Variants in CA10 observed in about 807,000 individuals in gnomAD.
The protein encoded by CA10 is carbonic anhydrase 10 (inactive).
In CA10, 14 loss-of-function variants were observed where a neutral mutation model predicts 44.2. The observed-to-expected ratio is 0.32, with a 90% CI of 0.21 to 0.50. The LOEUF (loss-of-function observed/expected upper bound fraction) is 0.50, where lower values mean the gene tolerates loss of function less well. CA10 is among the 20% of genes least tolerant of loss of function. CA10 has a pLI of 0.99. For synonymous variants in CA10, 159 were observed against 141.6 expected, an observed-to-expected ratio of 1.12 and a Z score of -0.87; for missense variants, 350 against 409.7, an observed-to-expected ratio of 0.85 and a Z score of 1.26.
At chr17:51,940,574 G>T (rs927555025) in intron 2 of CA10, among the ~76,000 whole-genome samples, 1 of 151,652 alleles carries the variant, frequency 6.6e-6, no homozygotes, top group Non-Finnish European at 1.5e-5. Flanking sequence ...GGGGAAATTT[G>T]CTCTTTTAAT....
At chr17:51,797,985 T>C (rs1906781769) in intron 3 of CA10, among the ~76,000 whole-genome samples, 1 of 152,134 alleles carries the variant, frequency 6.6e-6, no homozygotes, top group Non-Finnish European at 1.5e-5. Context: ...TAGTTTTTAT[T>C]GAAGAGGACA....
At chr17:51,882,346 T>C (rs1980413907) in intron 3 of CA10, among the ~76,000 whole-genome samples, 1 of 152,198 alleles carries the variant, frequency 6.6e-6, no homozygotes, top group South Asian at 2.1e-4. Flanking sequence ...TGAATTCCCA[T>C]AAGCCTTAGT....
chr17:52,004,408 G>A (rs2144124512), intron 2 of CA10, among the ~76,000 whole-genome samples: 1 of 151,980 alleles, frequency 6.6e-6, no homozygotes, highest in Non-Finnish European at 1.5e-5. Flanking sequence ...AAATTACCCA[G>A]TTAATAAGAA....
intron 3 of CA10, among the ~76,000 whole-genome samples, chr17:51,798,347 G>A (rs1306685274): frequency 6.6e-6 from 1 of 152,180 alleles, no homozygotes; most frequent in Non-Finnish European, 1.5e-5. Flanking sequence ...TTGTGCATGT[G>A]CATCTGTGTC....
chr17:51,761,364 G>GA (rs1905212476), intron 3 of CA10: 1 of 152,192 alleles, frequency 6.6e-6, no homozygotes, highest in Non-Finnish European at 1.5e-5. Flanking sequence ...TTGAAACTCA[G>GA]TAGTGCATAG....
chr17:51,912,500 A>G (rs1051701434), intron 3 of CA10, among the ~76,000 whole-genome samples: 7 of 152,212 alleles, frequency 4.6e-5, no homozygotes, highest in African/African-American at 1.7e-4. Context: ...AAAGAAAAAA[A>G]GAAAAAAACT....
chr17:51,858,620 C>T (rs117635077), intron 3 of CA10, among the ~76,000 whole-genome samples: 1,714 of 152,292 alleles, frequency 0.011, 23 homozygotes, highest in Non-Finnish European at 0.014. Context: ...ATTCTTTGAA[C>T]GTGCACCAAC....
intron 1 of CA10, among the ~76,000 whole-genome samples, chr17:52,109,813 G>A (rs1272295746): frequency 6.6e-6 from 1 of 152,180 alleles, no homozygotes. Flanking sequence ...TGTGTTTCAT[G>A]ACTTTCAGGC....
At chr17:51,706,903 C>T (rs960387485) in intron 4 of CA10, among the ~76,000 whole-genome samples, 15 of 152,132 alleles carry the variant, frequency 9.9e-5, no homozygotes, top group African/African-American at 3.6e-4. Context: ...CTAGCTGAGG[C>T]CTTCCCTGAC....
At chr17:52,147,749 G>A (rs949015695) in intron 1 of CA10, among the ~76,000 whole-genome samples, 5 of 152,136 alleles carry the variant, frequency 3.3e-5, no homozygotes, top group African/African-American at 1.2e-4. Flanking sequence ...GACATCAAGT[G>A]ACATATTTCT....
Position 51,631,287 on chromosome 17 carries a change from G to T in CA10, c.*297C>A. On this transcript the variant is annotated 3_prime_UTR_variant, in exon 9 of 9. Coordinates refer to ENST00000451037, the MANE Select transcript of CA10 (RefSeq NM_020178.5). ...AAGACCTCTTATGAATGAGACTTTTGTTTCTGAAACTTGACTTCCCATGAT... is the reference window on the plus strand; with the variant it reads ...AAGACCTCTTATGAATGAGACTTTTTTTTCTGAAACTTGACTTCCCATGAT... 1 of 361,442 alleles carries T rather than the reference G, an allele frequency of 2.8e-6. No individual in the cohort carries two copies. Among genetic ancestry groups the T allele is most frequent in the Non-Finnish European group, 5.0e-6 (1 of 198,888 alleles). 22.4% of individuals were successfully genotyped at this position (361,442 alleles called of 1,614,324 possible).
intron 3 of CA10, among the ~76,000 whole-genome samples, chr17:51,804,901 T>C (rs554004787): frequency 1.3e-5 from 2 of 152,326 alleles, no homozygotes; most frequent in Admixed American, 1.3e-4. Flanking sequence ...AGGTCTTAAG[T>C]TCCTTAATTG....
intron 2 of CA10, among the ~76,000 whole-genome samples, chr17:52,068,315 G>T (rs2143121519): frequency 6.6e-6 from 1 of 152,298 alleles, no homozygotes; most frequent in South Asian, 2.1e-4. Flanking sequence ...AAGGTATCTT[G>T]CTTTCCCTTT....
intron 2 of CA10, among the ~76,000 whole-genome samples, chr17:52,029,815 A>C (rs907353709): frequency 6.6e-6 from 1 of 151,976 alleles, no homozygotes; most frequent in African/African-American, 2.4e-5. Flanking sequence ...CTCCTTAGCC[A>C]TATGTTTCAT....
chr17:52,077,805 A>C (rs1987856272), intron 1 of CA10, among the ~76,000 whole-genome samples: 1 of 152,040 alleles, frequency 6.6e-6, no homozygotes, highest in African/African-American at 2.4e-5. Context: ...CCCTCTCTCC[A>C]CCCGATTTCC....
intron 4 of CA10, among the ~76,000 whole-genome samples, chr17:51,669,253 A>G (rs1324347567): frequency 2.6e-5 from 4 of 152,200 alleles, no homozygotes; most frequent in Non-Finnish European, 1.5e-5. Flanking sequence ...GGAGGATTGT[A>G]TATGTACCAA....
chr17:51,795,452 CT>C (rs1368198570), intron 3 of CA10, among the ~76,000 whole-genome samples: 38 of 152,084 alleles, frequency 2.5e-4, no homozygotes, highest in Admixed American at 5.9e-4. Context: ...TTTGGAAGGG[CT>C]TTTTAGCCAG....
rs1989840511 is a variant in CA10 at position 52,157,794 on chromosome 17, T to C, written c.-8A>G. On this transcript the variant is annotated 5_prime_UTR_variant, in exon 1 of 9. Coordinates refer to ENST00000451037, the MANE Select transcript of CA10 (RefSeq NM_020178.5). The stretch of plus-strand genomic sequence containing the variant: ...CTCCCAGACTATTTCCATCCTCTGA[T>C]TCTCATTCCAAGTGCATCACTCGAC... 1 of 1,613,072 alleles carries C rather than the reference T, an allele frequency of 6.2e-7. No individual in the cohort carries two copies. Among genetic ancestry groups the C allele is most frequent in the African/African-American group, 1.3e-5 (1 of 74,888 alleles).
chr17:51,700,280 G>A (rs1915547909), intron 4 of CA10, among the ~76,000 whole-genome samples: 1 of 152,176 alleles, frequency 6.6e-6, no homozygotes, highest in Non-Finnish European at 1.5e-5. Context: ...AGCAGCCAGA[G>A]GGGATGTTTT....
Sources: gnomAD v4.1 joint callset for allele counts (sites outside exome capture counted in the v4.1 genomes callset) on GRCh38, gnomAD v4.1.1 for gene constraint, MANE v1.5 for transcripts, NCBI Gene and HGNC (gene_info 2026-07-23, HGNC 2026-07-21) for gene names.